Variants in RCL1 observed in about 807,000 individuals in gnomAD.
RCL1 encodes the protein RNA 3'-terminal phosphate cyclase-like protein.
In RCL1, 24 loss-of-function variants were observed where a neutral mutation model predicts 42.4. That is an observed-to-expected ratio of 0.57 (90% CI 0.41 to 0.80). RCL1 has a LOEUF of 0.80. Ranked by LOEUF, RCL1 falls within the 30% of genes least tolerant of loss-of-function variation. The pLI, the probability that RCL1 is intolerant of heterozygous loss-of-function variation, is 0.00. For missense variants in RCL1, 578 were observed against 467.9 expected (o/e 1.24, Z -2.17); for synonymous variants, 228 against 177.3 (o/e 1.29, Z -2.27).
chr9:4,806,587 T>TACACACACACACAC (rs71326137), intron 1 of RCL1, among the ~76,000 whole-genome samples: 8 of 135,684 alleles, frequency 5.9e-5, no homozygotes, highest in African/African-American at 2.3e-4. Flanking sequence ...CTACTTGATC[T>TACACACACACACAC]ACACACACAC....
At chr9:4,842,958 C>T (rs1446457544) in intron 6 of RCL1, among the ~76,000 whole-genome samples, 1 of 152,172 alleles carries the variant, frequency 6.6e-6, no homozygotes, top group Non-Finnish European at 1.5e-5. Flanking sequence ...ACCACTGACT[C>T]AGCTGACCCT....
chr9:4,825,981 G>T (rs1355535579), intron 2 of RCL1, among the ~76,000 whole-genome samples: 1 of 151,746 alleles, frequency 6.6e-6, no homozygotes, highest in African/African-American at 2.4e-5. Flanking sequence ...TAGGGTCTCA[G>T]CACTTTGGGA....
intron 6 of RCL1, among the ~76,000 whole-genome samples, chr9:4,843,305 G>A (rs1817397297): frequency 6.6e-6 from 1 of 152,184 alleles, no homozygotes; most frequent in South Asian, 2.1e-4. Flanking sequence ...AGCACTTCTT[G>A]GTGGCCTATG....
chr9:4,816,875 G>A (rs1563836093), intron 1 of RCL1, among the ~76,000 whole-genome samples: 3 of 152,110 alleles, frequency 2.0e-5, no homozygotes, highest in Admixed American at 6.6e-5. Flanking sequence ...GGAGTGCAGT[G>A]GCGCGATCTC....
intron 7 of RCL1, among the ~76,000 whole-genome samples, chr9:4,846,509 G>T (rs1325705895): frequency 6.6e-6 from 1 of 152,210 alleles, no homozygotes; most frequent in Non-Finnish European, 1.5e-5. Context: ...TGGGGTAGAT[G>T]ATCAAGAGGT....
At position 4,803,863 on chromosome 9, in the gene RCL1, G is replaced by A. The variant is rs150908298; in HGVS notation, c.136+10636G>A. 2.4e-4 allele frequency: 37 copies of A among 157,406 alleles called. No individual in the cohort carries two copies. The East Asian group carries it at 5.8e-3, about 25-fold the overall frequency. 9.8% of individuals were successfully genotyped at this position (157,406 alleles called of 1,614,324 possible). A position where few individuals can be genotyped will look rare whatever the true frequency, so the allele number is the denominator to read the frequency against. On this transcript the variant is annotated intron_variant, in intron 1 of 8. Coordinates refer to ENST00000381750, the MANE Select transcript of RCL1 (RefSeq NM_005772.5). ...GGTTGTACTTCTGGCATTGGAACGG[G>A]CTGTTCCCTGTGTGTTGGCAATAGT...
At chr9:4,850,323 C>G (rs1189997653) in intron 8 of RCL1, 2 of 534,112 alleles carry the variant, frequency 3.7e-6, no homozygotes, top group Non-Finnish European at 3.8e-6. Context: ...TATCATGGTA[C>G]CGATGCTGTA....
At chr9:4,853,335 T>C (rs1314665268) in intron 8 of RCL1, among the ~76,000 whole-genome samples, 1 of 151,374 alleles carries the variant, frequency 6.6e-6, no homozygotes, top group Non-Finnish European at 1.5e-5. Flanking sequence ...TTTTTTTTTT[T>C]TTTTTTGAGA....
intron 1 of RCL1, among the ~76,000 whole-genome samples, chr9:4,796,953 G>A (rs1380983604): frequency 6.6e-6 from 1 of 152,154 alleles, no homozygotes; most frequent in African/African-American, 2.4e-5. Context: ...ATCTCCATAT[G>A]AAAGAAACAG....
chr9:4,817,536 C>A (rs1816426139), intron 1 of RCL1, among the ~76,000 whole-genome samples: 1 of 151,462 alleles, frequency 6.6e-6, no homozygotes, highest in Middle Eastern at 3.4e-3. Context: ...TGCAGTGGCT[C>A]CATCATGGCT....
rs33973400 is a variant in RCL1 at position 4,853,324 on chromosome 9, C to CT, written c.971+3791dup. On this transcript the variant is annotated intron_variant, in intron 8 of 8. Transcript: ENST00000381750. ...CACTGCTTCCCTTACCCACTGTGCT[C>CT]TTTTTTTTTTTTTTTTTGAGACGGA... 7.0e-3 allele frequency among the ~76,000 whole-genome samples: 948 copies of CT among 135,002 alleles called. 16 individuals carry two copies. The highest frequency in any genetic ancestry group is 0.024 in the South Asian group (101 of 4,244). 88.6% of individuals were successfully genotyped at this position (135,002 alleles called of 152,430 possible).
intron 5 of RCL1, among the ~76,000 whole-genome samples, chr9:4,838,244 G>A (rs1248374685): frequency 2.6e-5 from 4 of 152,156 alleles, no homozygotes; most frequent in African/African-American, 9.7e-5. Flanking sequence ...CTTCCAAAGT[G>A]CATCTTTTCC....
intron 1 of RCL1, among the ~76,000 whole-genome samples, chr9:4,806,615 C>T (rs1815979966): frequency 6.6e-6 from 1 of 151,178 alleles, no homozygotes; most frequent in Admixed American, 6.6e-5. Context: ...CACACACACA[C>T]ACACACACAC....
In RCL1 at chr9:4,860,195, G is replaced by A. The variant is rs774743645; in HGVS notation, c.1042G>A (p.Glu348Lys). 41 of 1,612,618 alleles carry A rather than the reference G, an allele frequency of 2.5e-5. No individual in the cohort carries two copies. Among genetic ancestry groups the A allele is most frequent in the Admixed American group, 2.2e-4 (13 of 59,860 alleles). ...TAAAATTGAAACCAAGCCATGTGGT[G>A]AAGAACTCAAGGGTGGGGATAAAGT... ...MFKIETKPCGEELKGGDKVLM... is the reference protein window; with the variant it reads ...MFKIETKPCGKELKGGDKVLM... Residue 348 changes from glutamate (E) to lysine (K), a missense_variant, in exon 9 of 9, where the codon GAA (glutamate) becomes AAA (lysine). By Grantham distance (56) the Glu-to-Lys change is moderately conservative (BLOSUM62 1). Coordinates refer to ENST00000381750, the MANE Select transcript of RCL1 (RefSeq NM_005772.5).
intron 1 of RCL1, among the ~76,000 whole-genome samples, chr9:4,812,653 T>G (rs544795232): frequency 4.6e-5 from 7 of 151,416 alleles, no homozygotes; most frequent in East Asian, 3.9e-4. Context: ...GAATATTAGG[T>G]TTTTTTTTCT....
chr9:4,809,835 A>G (rs1263313655), intron 1 of RCL1, among the ~76,000 whole-genome samples: 2 of 151,166 alleles, frequency 1.3e-5, no homozygotes, highest in East Asian at 3.9e-4. Context: ...GTTTGTTTTC[A>G]AGATGGAGTC....
intron 8 of RCL1, among the ~76,000 whole-genome samples, chr9:4,853,628 T>C (rs1248757595): frequency 1.3e-5 from 2 of 152,058 alleles, no homozygotes; most frequent in Non-Finnish European, 2.9e-5. Context: ...GCCAACCCAT[T>C]GTGCTCTTAT....
intron 3 of RCL1, among the ~76,000 whole-genome samples, chr9:4,830,439 C>T (rs930984483): frequency 6.8e-6 from 1 of 148,122 alleles, no homozygotes; most frequent in Non-Finnish European, 1.5e-5. Context: ...TGGAATGAGC[C>T]TTATGAAGAG....
chr9:4,860,086 A>G (rs1273647384), intron 8 of RCL1, 39 bp from the exon 9 acceptor site: 2 of 1,402,804 alleles, frequency 1.4e-6, no homozygotes, highest in Non-Finnish European at 1.9e-6. Flanking sequence ...TTTTGAATGA[A>G]TTTCTTTTTA....
Sources: allele counts gnomAD v4.1 joint callset (sites outside exome capture counted in the v4.1 genomes callset), GRCh38; gene constraint gnomAD v4.1.1; transcripts MANE v1.5; gene names NCBI Gene and HGNC (gene_info 2026-07-23, HGNC 2026-07-21).